CAMK2B: variants seen among roughly 807,000 people sequenced by gnomAD.
CAMK2B encodes calcium/calmodulin dependent protein kinase II beta.
Under a neutral mutation model 93.7 loss-of-function variants are expected in CAMK2B, and 27 were observed. The observed-to-expected ratio is 0.29, with a 90% CI of 0.21 to 0.40. CAMK2B has a LOEUF of 0.40. Ranked by LOEUF, CAMK2B falls within the 10% of genes least tolerant of loss-of-function variation. The pLI is 1.00. For missense variants in CAMK2B, 568 were observed against 895.8 expected (o/e 0.63, Z 4.67); for synonymous variants, 374 against 358.8 (o/e 1.04, Z -0.48).
intron 1 of CAMK2B, among the ~76,000 whole-genome samples, chr7:44,288,598 CA>C (rs1337932993): frequency 6.6e-6 from 1 of 152,216 alleles, no homozygotes; most frequent in Admixed American, 6.5e-5. Flanking sequence ...CCCCGGGCAC[CA>C]AGCATATTAT....
intron 2 of CAMK2B, among the ~76,000 whole-genome samples, chr7:44,265,456 C>G (rs2096914553): frequency 6.6e-6 from 1 of 152,238 alleles, no homozygotes; most frequent in Non-Finnish European, 1.5e-5. Context: ...CAGAGCCAGG[C>G]TGAGGGAAAG....
chr7:44,279,494 G>A (rs1325784935), intron 2 of CAMK2B, among the ~76,000 whole-genome samples: 2 of 152,230 alleles, frequency 1.3e-5, no homozygotes, highest in South Asian at 2.1e-4. Flanking sequence ...CCTGCGGGAA[G>A]GTCACAGCAG....
At chr7:44,293,712 T>C (rs1041997326) in intron 1 of CAMK2B, among the ~76,000 whole-genome samples, 15 of 152,192 alleles carry the variant, frequency 9.9e-5, no homozygotes, top group African/African-American at 3.4e-4. Flanking sequence ...CCTATGAGAA[T>C]CTGACACCTC....
chr7:44,217,954 C>G lies in CAMK2B; in HGVS notation c.*1571G>C, dbSNP rs888221885. On this transcript the variant is annotated 3_prime_UTR_variant, in exon 24 of 24. Transcript: ENST00000395749. Reference sequence around the variant, plus strand: ...CACACCATCACAAGGGGCCGGGGACCCACCGCCTCGAACCCAGGCAGCCGA... The same window carrying G: ...CACACCATCACAAGGGGCCGGGGACGCACCGCCTCGAACCCAGGCAGCCGA... The G allele has an allele frequency of 5.9e-5, 9 of 152,352 alleles. No homozygotes were observed. Among genetic ancestry groups the G allele is most frequent in the African/African-American group, 2.2e-4 (9 of 41,398 alleles). The allele number at this position is 152,352 out of a possible 1,614,324, so 9.4% of individuals were successfully genotyped here. A position where few individuals can be genotyped will look rare whatever the true frequency, so the allele number is the denominator to read the frequency against.
chr7:44,246,995 C>T (rs1393912477), intron 6 of CAMK2B, 125 bp downstream of exon 6: 3 of 715,110 alleles, frequency 4.2e-6, no homozygotes, highest in Non-Finnish European at 7.4e-6. Flanking sequence ...AGGACACACA[C>T]ACACATACAC....
At chr7:44,243,588 G>A in intron 6 of CAMK2B, 61 bp from the exon 7 acceptor site, 1 of 1,361,178 alleles carries the variant, frequency 7.3e-7, no homozygotes, top group Non-Finnish European at 1.0e-6. Context: ...GTTATGTGGG[G>A]TTGGGTGGGG....
rs1445229246 is a variant in CAMK2B, at chr7:44,224,886, A to G, written c.1597+1630T>C. Reference sequence around the variant, plus strand: ...AGCTGGCCACCTGCCACCTGGGCCCAGGTGCCCCCAGGGCAGTACCCAGAC... The same window carrying G: ...AGCTGGCCACCTGCCACCTGGGCCCGGGTGCCCCCAGGGCAGTACCCAGAC... On this transcript the variant is annotated intron_variant, in intron 20 of 23. Coordinates refer to ENST00000395749, the MANE Select transcript of CAMK2B (RefSeq NM_001220.5). This position sits in a 1 kb window ranked among gnomAD's most constrained non-coding sequence, Gnocchi z 4.4. 6.6e-6 allele frequency among the ~76,000 whole-genome samples: 1 copy of G among 151,964 alleles called. No individual in the cohort carries two copies. The highest frequency in any genetic ancestry group is 1.5e-5 in the Non-Finnish European group (1 of 67,940).
Position 44,220,158 on chromosome 7 carries a change from G to A in CAMK2B, c.1905C>T (p.Ser635=), listed in dbSNP as rs1486618086. Residue 635 remains serine, a synonymous_variant, in exon 23 of 24, where the codon AGC becomes AGT. Transcript: ENST00000395749. ...YIDGQGRPRT[S]QSEETRVWHR... ...GCCACACGCGGGTCTCCTCAGACTG[G>A]CTGGTGCGGGGCCGGCCCTGCCCGT... 1.2e-6 allele frequency: 2 copies of A among 1,611,604 alleles called. No individual in the cohort carries two copies. The highest frequency in any genetic ancestry group is 1.7e-6 in the Non-Finnish European group (2 of 1,179,740).
Position 44,218,436 on chromosome 7 carries a change from G to C in CAMK2B, c.*1089C>G, listed in dbSNP as rs2096362003. The C allele has an allele frequency of 6.6e-6, 1 of 152,402 alleles. No individual in the cohort carries two copies. Among genetic ancestry groups the C allele is most frequent in the East Asian group, 1.9e-4 (1 of 5,180 alleles). The allele number at this position is 152,402 out of a possible 1,614,324, so 9.4% of individuals were successfully genotyped here. A position where few individuals can be genotyped will look rare whatever the true frequency, so the allele number is the denominator to read the frequency against. Reference sequence around the variant, plus strand: ...CTGGCCTCCCCTCCCAGCTTCAGCTGGGGGCTCAGGGACTTGAGCGAGGCC... The same window carrying C: ...CTGGCCTCCCCTCCCAGCTTCAGCTCGGGGCTCAGGGACTTGAGCGAGGCC... On this transcript the variant is annotated 3_prime_UTR_variant, in exon 24 of 24. Coordinates refer to ENST00000395749, the MANE Select transcript of CAMK2B (RefSeq NM_001220.5).
At position 44,278,386 on chromosome 7, in the gene CAMK2B, G is replaced by A. The variant is rs935953152; in HGVS notation, c.160+5745C>T. 2.6e-5 allele frequency among the ~76,000 whole-genome samples: 4 copies of A among 152,188 alleles called. No homozygotes were observed. The South Asian group carries it at 8.3e-4, about 31-fold the overall frequency. On this transcript the variant is annotated intron_variant, in intron 2 of 23. Coordinates refer to ENST00000395749, the MANE Select transcript of CAMK2B (RefSeq NM_001220.5). ...GAGGTCTAGGATGACTGAGTAACCTGGCCACGGTCAGACAGCTGGGCAGTC... is the reference window on the plus strand; with the variant it reads ...GAGGTCTAGGATGACTGAGTAACCTAGCCACGGTCAGACAGCTGGGCAGTC...
intron 5 of CAMK2B, among the ~76,000 whole-genome samples, chr7:44,252,202 C>A (rs560362128): frequency 6.6e-5 from 10 of 152,170 alleles, no homozygotes; most frequent in African/African-American, 2.4e-4. Flanking sequence ...TGACCCTTCA[C>A]CCCCATGGCT....
chr7:44,254,076 G>A (rs1247707830), intron 5 of CAMK2B, among the ~76,000 whole-genome samples: 1 of 152,132 alleles, frequency 6.6e-6, no homozygotes, highest in African/African-American at 2.4e-5. Flanking sequence ...GGCTACCAGT[G>A]GCCTATGCTT....
intron 6 of CAMK2B, among the ~76,000 whole-genome samples, chr7:44,244,639 T>A (rs1292177722): frequency 6.6e-6 from 1 of 151,760 alleles, no homozygotes; most frequent in South Asian, 2.1e-4. Flanking sequence ...AACAGACCAC[T>A]CCACCCACTT....
chr7:44,323,962 C>G (rs950808267), intron 1 of CAMK2B: 1 of 156,452 alleles, frequency 6.4e-6, no homozygotes, highest in Admixed American at 6.5e-5. Context: ...GAGGTCTCAG[C>G]CCTGTGGTGC....
intron 20 of CAMK2B, chr7:44,226,036 G>GA: frequency 1.6e-6 from 1 of 635,020 alleles, no homozygotes; most frequent in South Asian, 1.8e-5. Flanking sequence ...CCAGATCCGC[G>GA]CCTCCCGATC....
intron 2 of CAMK2B, among the ~76,000 whole-genome samples, chr7:44,273,772 C>T (rs575923627): frequency 2.6e-4 from 40 of 152,322 alleles, no homozygotes; most frequent in Admixed American, 6.5e-4. Context: ...CATCCTCTGC[C>T]CCCAACTCTG....
rs573675469 is a variant in CAMK2B at position 44,295,098 on chromosome 7, T to C, written c.66-10873A>G. Among the ~76,000 whole-genome samples the C allele has an allele frequency of 4.6e-5, 7 of 152,302 alleles. No individual in the cohort carries two copies. In the South Asian group the frequency reaches 1.5e-3, roughly 32 times the overall value. On this transcript the variant is annotated intron_variant, in intron 1 of 23. Transcript: ENST00000395749. ...CTTAGCGCTGGTCTGCAAAATGGAT[T>C]TGATGATACATATTACACAGGGTTG... is the stretch of plus-strand genomic sequence containing the variant.
chr7:44,234,766 T>C, intron 13 of CAMK2B, 90 bp from the exon 14 acceptor site: 1 of 1,395,794 alleles, frequency 7.2e-7, no homozygotes, highest in East Asian at 2.4e-5. Flanking sequence ...CCCCACTCTT[T>C]CCCCAGGAGC....
intron 2 of CAMK2B, chr7:44,266,829 C>T (rs1659011122): frequency 6.6e-6 from 1 of 152,234 alleles, no homozygotes. Flanking sequence ...CAGGCAGTGT[C>T]ACAGAAGTCA....
Sources: gnomAD v4.1 joint callset for allele counts (sites outside exome capture counted in the v4.1 genomes callset) on GRCh38, gnomAD v4.1.1 for gene constraint, Gnocchi (gnomAD v3.1) non-coding constraint, MANE v1.5 for transcripts, NCBI Gene and HGNC (gene_info 2026-07-23, HGNC 2026-07-21) for gene names.